The following PAH variants were observed in gnomAD, a reference collection of about 807,000 sequenced individuals.
PAH encodes phenylalanine hydroxylase.
In PAH, 64 loss-of-function variants were observed where a neutral mutation model predicts 62.0. The ratio of observed to expected loss-of-function variants is 1.03; its 90% CI spans 0.84 to 1.27. PAH has a LOEUF of 1.27. PAH is among the 50% of genes most tolerant of loss of function. The pLI is 0.00. For missense variants in PAH, 579 were observed against 542.8 expected, an observed-to-expected ratio of 1.07 and a Z score of -0.66; for synonymous variants, 195 against 196.2, an observed-to-expected ratio of 0.99 and a Z score of 0.05.
chr12:102,909,389 A>T (rs1324921430), intron 2 of PAH, among the ~76,000 whole-genome samples: 1 of 152,072 alleles, frequency 6.6e-6, no homozygotes, highest in Non-Finnish European at 1.5e-5. Context: ...TGTTAATTTT[A>T]ATTTTAATTT....
chr12:102,871,039 C>T (rs1876295233), intron 4 of PAH, among the ~76,000 whole-genome samples: 1 of 152,212 alleles, frequency 6.6e-6, no homozygotes, highest in Non-Finnish European at 1.5e-5. Flanking sequence ...ACTTCATTCT[C>T]ACTGCTGCAC....
At chr12:102,854,845 T>G in intron 6 of PAH, 1 of 464,090 alleles carries the variant, frequency 2.2e-6, no homozygotes, top group Non-Finnish European at 4.0e-6. Context: ...AAAACCTCAG[T>G]GAAGCACCTT....
chr12:102,843,495 A>C, intron 11 of PAH, 151 bp downstream of exon 11: 1 of 812,504 alleles, frequency 1.2e-6, no homozygotes, highest in Non-Finnish European at 2.1e-6. Flanking sequence ...GAACGGAAGA[A>C]AAGGAGGGTG....
upstream of PAH, among the ~76,000 whole-genome samples, chr12:102,922,203 T>TA (rs1878565704): frequency 6.6e-6 from 1 of 150,822 alleles, no homozygotes; most frequent in Admixed American, 6.6e-5. Context: ...GCCTTTTTTT[T>TA]TTTTTTTTTG....
At chr12:102,904,742 C>T (rs747755203) in intron 2 of PAH, 14 of 510,568 alleles carry the variant, frequency 2.7e-5, no homozygotes, top group Non-Finnish European at 4.3e-5. Context: ...AGGTCTCATC[C>T]GTATTTTCAT....
intron 3 of PAH, among the ~76,000 whole-genome samples, chr12:102,892,702 T>C (rs1459257535): frequency 2.0e-5 from 3 of 152,204 alleles, no homozygotes; most frequent in Non-Finnish European, 4.4e-5. Flanking sequence ...GGCTACATAC[T>C]GTATGATTTC....
intron 1 of PAH, among the ~76,000 whole-genome samples, chr12:102,949,101 C>T (rs920278101): frequency 2.6e-5 from 4 of 152,166 alleles, no homozygotes; most frequent in Non-Finnish European, 5.9e-5. Context: ...AGACCCAAAA[C>T]TGCCCAGGAG....
At chr12:102,933,619 T>G (rs549919160) in intron 1 of PAH, among the ~76,000 whole-genome samples, 7 of 152,040 alleles carry the variant, frequency 4.6e-5, no homozygotes, top group African/African-American at 1.4e-4. Flanking sequence ...TTTGCCTGTA[T>G]TTTGGATTAT....
intron 1 of PAH, chr12:102,923,630 G>A (rs772419705): frequency 6.6e-6 from 1 of 152,138 alleles, no homozygotes; most frequent in Non-Finnish European, 1.5e-5. Flanking sequence ...GTTTAAATTA[G>A]AATGTACCTT....
At chr12:102,853,186 T>C in intron 6 of PAH, 1 of 551,966 alleles carries the variant, frequency 1.8e-6, no homozygotes, top group Non-Finnish European at 3.2e-6. Flanking sequence ...TAGATACTTC[T>C]TAGAAATGTT....
chr12:102,893,177 T>A (rs34857170), intron 3 of PAH, among the ~76,000 whole-genome samples: 69,062 of 151,934 alleles, frequency 0.45, 18,448 homozygotes, highest in African/African-American at 0.74. Flanking sequence ...AGGCGGGTGG[T>A]TCACCTGAGG....
chr12:102,918,916 G>C (rs866265614), upstream of PAH, among the ~76,000 whole-genome samples: 18 of 151,766 alleles, frequency 1.2e-4, no homozygotes, highest in African/African-American at 4.1e-4. Context: ...ATCCCTTGAT[G>C]CTACTTGAGG....
chr12:102,908,601 A>G (rs1415013047), intron 2 of PAH, among the ~76,000 whole-genome samples: 1 of 152,192 alleles, frequency 6.6e-6, no homozygotes, highest in African/African-American at 2.4e-5. Context: ...GATTTATGAA[A>G]AAATAGAAAT....
In PAH at chr12:102,934,383, G is replaced by C. The variant is rs115538278; in HGVS notation, c.-96+16206C>G. ...CAATTCCTCCAGTTTTGTTCTTTTT[G>C]ATCAGAATAGCTTTGGATATTCTGG... On this transcript the variant is annotated intron_variant, in intron 1 of 3. Transcript: ENST00000546844. Among the ~76,000 whole-genome samples, 957 of 151,884 alleles carry C rather than the reference G, an allele frequency of 6.3e-3. 18 individuals are homozygous for C. Among genetic ancestry groups the C allele is most frequent in the African/African-American group, 0.022 (930 of 41,424 alleles).
intron 2 of PAH, among the ~76,000 whole-genome samples, chr12:102,909,644 A>T (rs1298008964): frequency 6.6e-6 from 1 of 152,208 alleles, no homozygotes; most frequent in Non-Finnish European, 1.5e-5. Context: ...ACAAGATTTA[A>T]TTATATTTAA....
At chr12:102,921,570 A>G (rs945198680), upstream of PAH, among the ~76,000 whole-genome samples, 4 of 152,220 alleles carry the variant, frequency 2.6e-5, no homozygotes, top group African/African-American at 9.6e-5. Flanking sequence ...GGTTTGTACT[A>G]TAGAGTATTG....
intron 7 of PAH, 80 bp downstream of exon 7, chr12:102,852,735 G>T: frequency 6.3e-7 from 1 of 1,577,164 alleles, no homozygotes; most frequent in South Asian, 1.1e-5. Context: ...AGCCAGCAAT[G>T]AACCCAAACC....
chr12:102,958,232 G>T, exon 1 of PAH: 1 of 1,460,198 alleles, frequency 6.8e-7, no homozygotes. Flanking sequence ...CGACTCCTTG[G>T]CCGCCGCTGC....
chr12:102,917,528 C>G (rs1048492038), upstream of PAH: 1 of 308,914 alleles, frequency 3.2e-6, no homozygotes, highest in Admixed American at 4.3e-5. Context: ...GAAGCGAGTT[C>G]TCTGCAATTG....
Sources: gnomAD v4.1 joint callset for allele counts (sites outside exome capture counted in the v4.1 genomes callset) on GRCh38, gnomAD v4.1.1 for gene constraint, MANE v1.5 for transcripts, NCBI Gene and HGNC (gene_info 2026-07-23, HGNC 2026-07-21) for gene names.